Variants in UGT1A6 observed in about 807,000 individuals in gnomAD.
UGT1A6 encodes the protein UDP glucuronosyltransferase family 1 member A6, also known as UDP-glucuronosyltransferase 1A6.
Under a neutral mutation model 44.4 loss-of-function variants are expected in UGT1A6, and 32 were observed. The observed-to-expected ratio is 0.72, with a 90% CI of 0.54 to 0.97. The LOEUF (loss-of-function observed/expected upper bound fraction) is 0.97, where lower values mean the gene tolerates loss of function less well. Ranked by LOEUF, UGT1A6 falls within the 50% of genes least tolerant of loss-of-function variation. The probability of loss-of-function intolerance (pLI) is 0.00; values close to 1 mark genes in which losing one functional copy is unlikely to be tolerated. For missense variants in UGT1A6, 685 were observed against 661.9 expected (o/e 1.03, Z -0.38); for synonymous variants, 238 against 248.5 (o/e 0.96, Z 0.40).
At chr2:233,747,330 C>T (rs896598113) in intron 1 of UGT1A6, 17 of 1,603,408 alleles carry the variant, frequency 1.1e-5, no homozygotes, top group Non-Finnish European at 1.2e-5. Flanking sequence ...TTGATGGCAG[C>T]CACTGGCTCG....
chr2:233,742,472 C>T (rs1248700519), intron 1 of UGT1A6, among the ~76,000 whole-genome samples: 4 of 151,922 alleles, frequency 2.6e-5, no homozygotes. Flanking sequence ...TTCCAGTAAA[C>T]TCACAACCTT....
chr2:233,757,353 G>C (rs373045458), intron 1 of UGT1A6, among the ~76,000 whole-genome samples: 1 of 151,254 alleles, frequency 6.6e-6, no homozygotes, highest in African/African-American at 2.4e-5. Flanking sequence ...GGGTCTGAGA[G>C]ACAGTGGTAG....
At chr2:233,719,412 C>G in intron 1 of UGT1A6, 1 of 1,613,976 alleles carries the variant, frequency 6.2e-7, no homozygotes, top group South Asian at 1.1e-5. Context: ...TCCTAAGTTA[C>G]TAACGACCAA....
intron 1 of UGT1A6, chr2:233,747,247 C>A: frequency 6.2e-7 from 1 of 1,601,894 alleles, no homozygotes; most frequent in Non-Finnish European, 8.5e-7. Flanking sequence ...CCTGCTGTGG[C>A]TGGCCACAGG....
intron 1 of UGT1A6, among the ~76,000 whole-genome samples, chr2:233,718,521 C>T (rs879860533): frequency 7.2e-5 from 11 of 152,180 alleles, no homozygotes; most frequent in Non-Finnish European, 1.5e-4. Flanking sequence ...AATGGGTGTC[C>T]ACAGCCTTGT....
At chr2:233,744,050 T>G in intron 1 of UGT1A6, 1 of 675,568 alleles carries the variant, frequency 1.5e-6, no homozygotes, top group Non-Finnish European at 2.1e-6. Flanking sequence ...CCACATCTCA[T>G]TGGTCGAGGC....
At chr2:233,730,564 A>G (rs1270529566) in intron 1 of UGT1A6, among the ~76,000 whole-genome samples, 1 of 152,140 alleles carries the variant, frequency 6.6e-6, no homozygotes, top group Non-Finnish European at 1.5e-5. Context: ...AGAATGACAC[A>G]CGAAGTTCAG....
At chr2:233,705,012 T>A (rs544165304) in intron 1 of UGT1A6, among the ~76,000 whole-genome samples, 126 of 152,168 alleles carry the variant, frequency 8.3e-4, no homozygotes, top group Non-Finnish European at 1.5e-3. Flanking sequence ...GGCAGGCGCC[T>A]GTAATCCCAG....
rs188435252 is a variant in UGT1A6 at position 233,751,450 on chromosome 2, T to A, written c.862-15584T>A. Among the ~76,000 whole-genome samples the A allele has an allele frequency of 9.0e-3, 1,372 of 152,108 alleles. 30 individuals carry two copies. The highest frequency in any genetic ancestry group is 0.031 in the African/African-American group (1,290 of 41,366). ...GAAATGAGTTAAGACTTTGGAAGAT[T>A]GTTGGGAAGGCACGATTGGTTTTGA... On this transcript the variant is annotated intron_variant, in intron 1 of 4. Coordinates refer to ENST00000305139, the MANE Select transcript of UGT1A6 (RefSeq NM_001072.4).
intron 1 of UGT1A6, among the ~76,000 whole-genome samples, chr2:233,728,414 C>T (rs186918599): frequency 6.6e-6 from 1 of 152,192 alleles, no homozygotes; most frequent in African/African-American, 2.4e-5. Context: ...CTTTAGATAG[C>T]AGCACCTCTT....
intron 1 of UGT1A6, among the ~76,000 whole-genome samples, chr2:233,706,330 G>C (rs184912416): frequency 6.6e-6 from 1 of 152,326 alleles, no homozygotes; most frequent in African/African-American, 2.4e-5. Context: ...AACTATTCAA[G>C]CTGGTGACCC....
Position 233,772,910 on chromosome 2 carries a change from T to C in UGT1A6, c.*351T>C. Reference sequence around the variant, plus strand: ...AAGGTGGTCCCACGGCTGCCCCTACTGCAAATGGCAGTTTTAATCTTATCT... The same window carrying C: ...AAGGTGGTCCCACGGCTGCCCCTACCGCAAATGGCAGTTTTAATCTTATCT... On this transcript the variant is annotated 3_prime_UTR_variant, in exon 5 of 5. Coordinates refer to ENST00000305139, the MANE Select transcript of UGT1A6 (RefSeq NM_001072.4). The C allele has an allele frequency of 2.5e-6, 1 of 393,908 alleles. No individual in the cohort carries two copies. Among genetic ancestry groups the C allele is most frequent in the Non-Finnish European group, 4.4e-6 (1 of 225,416 alleles). 24.4% of individuals were successfully genotyped at this position (393,908 alleles called of 1,614,324 possible). A position where few individuals can be genotyped will look rare whatever the true frequency, so the allele number is the denominator to read the frequency against.
chr2:233,693,321 C>T lies in UGT1A6; in HGVS notation c.317C>T (p.Thr106Ile). ...NNHFAERSFL[T>I]APQTEYRNNM... is the part of the protein sequence containing the mutation. ...CACTTTGCTGAGCGATCATTCCTAACTGCTCCTCAGACAGAGTACAGGAAT... is the reference window on the plus strand; with the variant it reads ...CACTTTGCTGAGCGATCATTCCTAATTGCTCCTCAGACAGAGTACAGGAAT... The change falls in exon 1 of 5, where the codon ACT (threonine) becomes ATT (isoleucine). Residue 106 changes from threonine (T) to isoleucine (I), a missense_variant. Coordinates refer to ENST00000305139, the MANE Select transcript of UGT1A6 (RefSeq NM_001072.4). The T allele has an allele frequency of 6.2e-7, 1 of 1,614,222 alleles. No individual in the cohort carries two copies.
chr2:233,742,425 T>G (rs62191917), intron 1 of UGT1A6, among the ~76,000 whole-genome samples: 10,459 of 152,056 alleles, frequency 0.069, 566 homozygotes, highest in East Asian at 0.2. Context: ...CTTAAGCGGT[T>G]TTCCTCCCTG....
intron 1 of UGT1A6, among the ~76,000 whole-genome samples, chr2:233,696,713 G>A (rs532050376): frequency 6.6e-6 from 1 of 152,234 alleles, no homozygotes; most frequent in East Asian, 1.9e-4. Flanking sequence ...AGATTTTAGA[G>A]GAACAGTTTT....
In UGT1A6 at chr2:233,750,906, G is replaced by C. The variant is rs147161885; in HGVS notation, c.862-16128G>C. Among the ~76,000 whole-genome samples, 893 of 152,034 alleles carry C rather than the reference G, an allele frequency of 5.9e-3. 37 individuals carry two copies. Among genetic ancestry groups the C allele is most frequent in the African/African-American group, 0.021 (857 of 41,250 alleles). On this transcript the variant is annotated intron_variant, in intron 1 of 4. Coordinates refer to ENST00000305139, the MANE Select transcript of UGT1A6 (RefSeq NM_001072.4). ...GCCCTTATAGAGAACCTCTGCTAGA[G>C]AAGGGTGGTAAAGAAATGTGAGGTT...
At chr2:233,727,674 T>G (rs183043459) in intron 1 of UGT1A6, among the ~76,000 whole-genome samples, 1 of 152,276 alleles carries the variant, frequency 6.6e-6, no homozygotes, top group East Asian at 1.9e-4. Context: ...CCTTACAAAT[T>G]CCCAGGAATC....
chr2:233,729,260 G>T (rs774974731), intron 1 of UGT1A6: 2 of 1,614,092 alleles, frequency 1.2e-6, no homozygotes, highest in East Asian at 2.2e-5. Flanking sequence ...CTCAGCATGC[G>T]GGAGGTCTTG....
intron 1 of UGT1A6, among the ~76,000 whole-genome samples, chr2:233,735,381 C>G (rs1160790318): frequency 6.6e-6 from 1 of 152,068 alleles, no homozygotes; most frequent in Non-Finnish European, 1.5e-5. Context: ...TCCTCCATCC[C>G]TTTATTTTGA....
Sources: gnomAD v4.1 joint callset for allele counts (sites outside exome capture counted in the v4.1 genomes callset) on GRCh38, gnomAD v4.1.1 for gene constraint, MANE v1.5 for transcripts, NCBI Gene and HGNC (gene_info 2026-07-23, HGNC 2026-07-21) for gene names.